ZFP3: variants seen among roughly 807,000 people sequenced by gnomAD.
ZFP3 encodes the protein zinc finger protein 3 homolog.
In ZFP3, 18 loss-of-function variants were observed where a neutral mutation model predicts 36.7. The observed-to-expected ratio is 0.49, with a 90% confidence interval of 0.34 to 0.73. The LOEUF is 0.73. Among genes scored for constraint, ZFP3 ranks in the 30% least tolerant of loss-of-function variants. The probability of loss-of-function intolerance (pLI) is 0.01; values close to 1 mark genes in which losing one functional copy is unlikely to be tolerated. For missense variants in ZFP3, 495 were observed against 599.0 expected, an observed-to-expected ratio of 0.83 and a Z score of 1.81; for synonymous variants, 218 against 199.0, an observed-to-expected ratio of 1.10 and a Z score of -0.81.
intron 1 of ZFP3, among the ~76,000 whole-genome samples, chr17:5,083,005 A>G (rs1411086082): frequency 6.6e-6 from 1 of 152,178 alleles, no homozygotes; most frequent in African/African-American, 2.4e-5. Context: ...AGTTACAGTA[A>G]CTAGAGTCAG....
At chr17:5,085,206 A>G (rs767598389) in intron 1 of ZFP3, among the ~76,000 whole-genome samples, 2 of 151,624 alleles carry the variant, frequency 1.3e-5, no homozygotes, top group Non-Finnish European at 2.9e-5. Context: ...TGCCTGGCTA[A>G]TTTTTTGTGT....
Position 5,092,047 on chromosome 17 carries a change from T to A in ZFP3, c.543T>A (p.Asn181Lys), listed in dbSNP as rs752473457. Reference protein sequence around the residue: ...CKECGKTFGTNSSLRRHLRIH... With the variant: ...CKECGKTFGTKSSLRRHLRIH... ...AATGTGGAAAGACATTTGGAACTAATTCAAGCCTTCGACGGCACCTGAGAA... is the reference window on the plus strand; with the variant it reads ...AATGTGGAAAGACATTTGGAACTAAATCAAGCCTTCGACGGCACCTGAGAA... The change falls in exon 2 of 2, where the codon AAT becomes AAA. Residue 181 changes from asparagine (N) to lysine (K), a missense_variant. By Grantham distance (94) the Asn-to-Lys change is moderately conservative. This residue lies in a region of ZFP3 where 229 missense variants were observed against 233.8 expected (regional missense o/e 0.98). Transcript: ENST00000318833. This position sits in a 1 kb window ranked among gnomAD's most constrained non-coding sequence, Gnocchi z 5.0. 6.2e-7 allele frequency: 1 copy of A among 1,614,244 alleles called. No homozygotes were observed. The highest frequency in any genetic ancestry group is 8.5e-7 in the Non-Finnish European group (1 of 1,180,036).
chr17:5,094,213 T>G lies in ZFP3; in HGVS notation c.*1200T>G, dbSNP rs2072167092. 6.0e-6 allele frequency: 1 copy of G among 167,118 alleles called. No homozygotes were observed. Among genetic ancestry groups the G allele is most frequent in the Non-Finnish European group, 1.5e-5 (1 of 68,134 alleles). The allele number at this position is 167,118 out of a possible 1,614,324, so 10.4% of individuals were successfully genotyped here. A position where few individuals can be genotyped will look rare whatever the true frequency, so the allele number is the denominator to read the frequency against. ...GCCCCTTGGCCTTGAAATTCTTTTT[T>G]CTTGAATAACTTTAAAAAAATAGAG... On this transcript the variant is annotated 3_prime_UTR_variant, in exon 2 of 2. Coordinates refer to ENST00000318833, the MANE Select transcript of ZFP3 (RefSeq NM_153018.3).
intron 1 of ZFP3, among the ~76,000 whole-genome samples, chr17:5,080,289 A>G (rs550851637): frequency 2.6e-5 from 4 of 152,296 alleles, no homozygotes; most frequent in African/African-American, 7.2e-5. Flanking sequence ...GTGGATGTCC[A>G]TTTCCAAACC....
At chr17:5,089,450 T>G (rs1597906231) in intron 1 of ZFP3, among the ~76,000 whole-genome samples, 1 of 152,320 alleles carries the variant, frequency 6.6e-6, no homozygotes, top group Admixed American at 6.5e-5. Flanking sequence ...CACTGTCTCA[T>G]TGGCTAGAAT....
Position 5,095,291 on chromosome 17 carries a change from G to A in ZFP3, c.*2278G>A, listed in dbSNP as rs4790742. On this transcript the variant is annotated 3_prime_UTR_variant, in exon 2 of 2. Coordinates refer to ENST00000318833, the MANE Select transcript of ZFP3 (RefSeq NM_153018.3). ...ATCCTTCCAGATACCTCTGCCTCTAGCAGTCACACTCTTAGTAAGGGAAGT... is the reference window on the plus strand; with the variant it reads ...ATCCTTCCAGATACCTCTGCCTCTAACAGTCACACTCTTAGTAAGGGAAGT... The A allele has an allele frequency of 0.99, 165,711 of 167,192 alleles. 82,135 individuals carry two copies. Among genetic ancestry groups the A allele is most frequent in the East Asian group, 1 (5,186 of 5,186 alleles). The allele number at this position is 167,192 out of a possible 1,614,324, so 10.4% of individuals were successfully genotyped here.
chr17:5,080,187 T>G (rs1049650575), intron 1 of ZFP3, among the ~76,000 whole-genome samples: 1 of 152,196 alleles, frequency 6.6e-6, no homozygotes, highest in South Asian at 2.1e-4. Context: ...CAATAATATA[T>G]GGAAGTATTT....
In ZFP3 at chr17:5,095,634, T is replaced by A. The variant is rs918562770; in HGVS notation, c.*2621T>A. 1.2e-5 allele frequency: 2 copies of A among 166,768 alleles called. No individual in the cohort carries two copies. The highest frequency in any genetic ancestry group is 4.8e-5 in the African/African-American group (2 of 41,352). The allele number at this position is 166,768 out of a possible 1,614,324, so 10.3% of individuals were successfully genotyped here. A position where few individuals can be genotyped will look rare whatever the true frequency, so the allele number is the denominator to read the frequency against. ...AAAGGAGAAGAGTTCACATTGTGCA[T>A]CCTATTAGACATTTTGTTCTCAGAA... On this transcript the variant is annotated 3_prime_UTR_variant, in exon 2 of 2. Transcript: ENST00000318833.
At position 5,092,786 on chromosome 17, in the gene ZFP3, A is replaced by G. The variant is rs1555578998; in HGVS notation, c.1282A>G (p.Arg428Gly). 6.2e-7 allele frequency: 1 copy of G among 1,614,068 alleles called. No homozygotes were observed. Among genetic ancestry groups the G allele is most frequent in the African/African-American group, 1.3e-5 (1 of 74,940 alleles). The part of the protein sequence containing the change: ...EKPHQCNECA[R>G]TFWDNSELLL... ...ACCCCATCAATGTAATGAGTGTGCAAGAACCTTTTGGGATAATTCTGAGCT... is the reference window on the plus strand; with the variant it reads ...ACCCCATCAATGTAATGAGTGTGCAGGAACCTTTTGGGATAATTCTGAGCT... The change falls in exon 2 of 2, where the codon AGA (arginine) becomes GGA (glycine). Residue 428 changes from arginine to glycine, a missense_variant. Physicochemically the swap from Arg to Gly is moderately radical, Grantham distance 125 (BLOSUM62 -2). Transcript: ENST00000318833. This position sits in a 1 kb window ranked among gnomAD's most constrained non-coding sequence, Gnocchi z 5.0.
rs572210874 is a variant in ZFP3 at position 5,084,054 on chromosome 17, T to C, written c.-9+5479T>C. Among the ~76,000 whole-genome samples, 11 of 151,926 alleles carry C rather than the reference T, an allele frequency of 7.2e-5. No individual in the cohort carries two copies. In the East Asian group the frequency reaches 2.1e-3, roughly 30 times the overall value. ...GCCAATTTTTGTATTTTTGTAGAGATGAGGTTTCACCATGTTGGCCAGGCT... is the reference window on the plus strand; with the variant it reads ...GCCAATTTTTGTATTTTTGTAGAGACGAGGTTTCACCATGTTGGCCAGGCT... On this transcript the variant is annotated intron_variant, in intron 1 of 1. Transcript: ENST00000318833.
chr17:5,093,194 A>G lies in ZFP3; in HGVS notation c.*181A>G. 1 of 477,430 alleles carries G rather than the reference A, an allele frequency of 2.1e-6. No homozygotes were observed. Among genetic ancestry groups the G allele is most frequent in the Non-Finnish European group, 3.6e-6 (1 of 278,928 alleles). 29.6% of individuals were successfully genotyped at this position (477,430 alleles called of 1,614,324 possible). A position where few individuals can be genotyped will look rare whatever the true frequency, so the allele number is the denominator to read the frequency against. ...GAGGCACTTTTTTTTTTTTTTTTTT[A>G]AGCATTGGGGTCTTGCTCTGTTGCC... On this transcript the variant is annotated 3_prime_UTR_variant, in exon 2 of 2. Transcript: ENST00000318833.
At chr17:5,080,095 C>T (rs1449379463) in intron 1 of ZFP3, among the ~76,000 whole-genome samples, 1 of 152,098 alleles carries the variant, frequency 6.6e-6, no homozygotes, top group African/African-American at 2.4e-5. Flanking sequence ...TCCAGTGGCC[C>T]TGGCAGCATC....
chr17:5,088,782 C>T (rs1242024294), intron 1 of ZFP3, among the ~76,000 whole-genome samples: 2 of 152,190 alleles, frequency 1.3e-5, no homozygotes, highest in South Asian at 2.1e-4. Flanking sequence ...CACTAAACGA[C>T]CACGAGTGTG....
In ZFP3 at chr17:5,092,022, A is replaced by C. The variant is rs773453170; in HGVS notation, c.518A>C (p.Glu173Ala). 56 of 1,614,116 alleles carry C rather than the reference A, an allele frequency of 3.5e-5. No homozygotes were observed. Among genetic ancestry groups the C allele is most frequent in the Non-Finnish European group, 4.7e-5 (55 of 1,180,040 alleles). Reference sequence around the variant, plus strand: ...GGAGAAAAACCCTTTGAATGTAAAGAATGTGGAAAGACATTTGGAACTAAT... The same window carrying C: ...GGAGAAAAACCCTTTGAATGTAAAGCATGTGGAAAGACATTTGGAACTAAT... ...HSGEKPFECK[E>A]CGKTFGTNSS... The change falls in exon 2 of 2, where the codon GAA (glutamate) becomes GCA (alanine). Residue 173 changes from glutamate (E) to alanine (A), a missense_variant. Around this residue, in one of 3 missense-constraint regions of ZFP3, gnomAD observed 229 missense variants for 233.8 expected, o/e 0.98. Coordinates refer to ENST00000318833, the MANE Select transcript of ZFP3 (RefSeq NM_153018.3). The surrounding 1 kb of genome is among the most constrained non-coding windows in gnomAD (Gnocchi z 5.0).
At chr17:5,083,785 T>C (rs1597903710) in intron 1 of ZFP3, among the ~76,000 whole-genome samples, 1 of 152,198 alleles carries the variant, frequency 6.6e-6, no homozygotes, top group South Asian at 2.1e-4. Context: ...AACAAGATCT[T>C]CCTGCCATGA....
Position 5,094,492 on chromosome 17 carries a change from A to G in ZFP3, c.*1479A>G, listed in dbSNP as rs10744994. On this transcript the variant is annotated 3_prime_UTR_variant, in exon 2 of 2. Coordinates refer to ENST00000318833, the MANE Select transcript of ZFP3 (RefSeq NM_153018.3). ...TGGGAATTGCACTAATGGGGGCCCA[A>G]CAGGCCTGGGGGCTGGTCTTAGCGC... 165,808 of 167,258 alleles carry G rather than the reference A, an allele frequency of 0.99. 82,197 individuals carry two copies. The highest frequency in any genetic ancestry group is 1 in the East Asian group (5,192 of 5,192). 10.4% of individuals were successfully genotyped at this position (167,258 alleles called of 1,614,324 possible).
Position 5,092,744 on chromosome 17 carries a change from A to G in ZFP3, c.1240A>G (p.Ile414Val). The change falls in exon 2 of 2, where the codon ATT (isoleucine) becomes GTT (valine). Residue 414 changes from isoleucine to valine, a missense_variant. Coordinates refer to ENST00000318833, the MANE Select transcript of ZFP3 (RefSeq NM_153018.3). This position sits in a 1 kb window ranked among gnomAD's most constrained non-coding sequence, Gnocchi z 5.0. The part of the protein sequence containing the change: ...RTSHLIVHQR[I>V]HTGEKPHQCN... Reference sequence around the variant, plus strand: ...CTCTCACCTTATTGTCCACCAGAGAATTCATACTGGAGAGAAACCCCATCA... The same window carrying G: ...CTCTCACCTTATTGTCCACCAGAGAGTTCATACTGGAGAGAAACCCCATCA... 1.2e-6 allele frequency: 2 copies of G among 1,614,154 alleles called. No homozygotes were observed. Among genetic ancestry groups the G allele is most frequent in the Non-Finnish European group, 1.7e-6 (2 of 1,180,032 alleles).
rs530928280 is a variant in ZFP3, at chr17:5,095,769, C to T, written c.*2756C>T. ...AGATATCCAATCCATCACCTCGCCT[C>T]CCCTGGCCCTAGCTCAATTACCCTC... On this transcript the variant is annotated 3_prime_UTR_variant, in exon 2 of 2. Transcript: ENST00000318833. 5 of 165,890 alleles carry T rather than the reference C, an allele frequency of 3.0e-5. No homozygotes were observed. In the South Asian group the frequency reaches 1.1e-3, roughly 35 times the overall value. The allele number at this position is 165,890 out of a possible 1,614,324, so 10.3% of individuals were successfully genotyped here. A position where few individuals can be genotyped will look rare whatever the true frequency, so the allele number is the denominator to read the frequency against.
At chr17:5,088,122 T>C (rs1198368646) in intron 1 of ZFP3, among the ~76,000 whole-genome samples, 1 of 152,208 alleles carries the variant, frequency 6.6e-6, no homozygotes, top group African/African-American at 2.4e-5. Context: ...ACTGATTCTT[T>C]GATACCTCTC....
Sources: allele counts gnomAD v4.1 joint callset (sites outside exome capture counted in the v4.1 genomes callset), GRCh38; gene constraint gnomAD v4.1.1; regional missense constraint gnomAD v4.1.1; non-coding constraint Gnocchi (gnomAD v3.1); transcripts MANE v1.5; gene names NCBI Gene and HGNC (gene_info 2026-07-23, HGNC 2026-07-21).